FMN1: variants seen among roughly 807,000 people sequenced by gnomAD.
The protein encoded by FMN1 is formin 1, also known as formin-1.
FMN1 carries 110 observed loss-of-function variants against 132.4 expected under a neutral mutation model. The observed-to-expected ratio is 0.83, with a 90% CI of 0.71 to 0.97. The LOEUF (loss-of-function observed/expected upper bound fraction) is 0.97, where lower values mean the gene tolerates loss of function less well. Ranked by LOEUF, FMN1 falls within the 50% of genes least tolerant of loss-of-function variation. FMN1 has a pLI of 0.00. For synonymous variants in FMN1, 722 were observed against 651.7 expected (o/e 1.11, Z -1.64); for missense variants, 1,792 against 1,705.3 (o/e 1.05, Z -0.90).
chr15:32,877,594 A>G (rs948430914), intron 16 of FMN1, among the ~76,000 whole-genome samples: 18 of 152,194 alleles, frequency 1.2e-4, no homozygotes, highest in Admixed American at 7.9e-4. Flanking sequence ...GAGTTGGAAT[A>G]TACCTTCAAA....
chr15:32,965,720 T>C (rs1471293293), intron 8 of FMN1, among the ~76,000 whole-genome samples: 1 of 152,156 alleles, frequency 6.6e-6, no homozygotes, highest in African/African-American at 2.4e-5. Flanking sequence ...ATTCACCTCT[T>C]CTCTCCTCTA....
intron 4 of FMN1, among the ~76,000 whole-genome samples, chr15:33,123,224 C>A (rs1290574737): frequency 6.6e-6 from 1 of 151,898 alleles, no homozygotes; most frequent in Non-Finnish European, 1.5e-5. Flanking sequence ...CACCAACTGG[C>A]CTTCCTTTTT....
chr15:32,785,067 A>G (rs138172134), intron 19 of FMN1, among the ~76,000 whole-genome samples: 2 of 150,306 alleles, frequency 1.3e-5, no homozygotes, highest in Admixed American at 6.6e-5. Flanking sequence ...CATTCAACGT[A>G]TCTGTGTGAA....
intron 6 of FMN1, among the ~76,000 whole-genome samples, chr15:33,020,664 T>A: frequency 6.7e-6 from 1 of 149,944 alleles, no homozygotes; most frequent in Non-Finnish European, 1.5e-5. Context: ...AAAGACACTA[T>A]GCTTAGTTAG....
intron 4 of FMN1, among the ~76,000 whole-genome samples, chr15:33,138,465 T>C (rs1963867462): frequency 6.6e-6 from 1 of 152,172 alleles, no homozygotes; most frequent in Non-Finnish European, 1.5e-5. Context: ...AAGGACAGTC[T>C]GGCACGTCCC....
At chr15:32,836,585 G>T (rs1332400318) in intron 17 of FMN1, among the ~76,000 whole-genome samples, 1 of 152,142 alleles carries the variant, frequency 6.6e-6, no homozygotes, top group South Asian at 2.1e-4. Context: ...AGCTGTATAT[G>T]TCTTACAAAC....
intron 6 of FMN1, among the ~76,000 whole-genome samples, chr15:33,029,916 C>T (rs1184157377): frequency 1.3e-5 from 2 of 152,148 alleles, no homozygotes; most frequent in African/African-American, 2.4e-5. Flanking sequence ...CCAGCACTTT[C>T]GGAGACCGAG....
chr15:33,023,078 G>GAATA (rs2035498796), intron 6 of FMN1, among the ~76,000 whole-genome samples: 1 of 116,066 alleles, frequency 8.6e-6, no homozygotes, highest in Non-Finnish European at 1.7e-5. Context: ...AAAAAAAAAA[G>GAATA]AAAAAAAAGA....
chr15:32,962,813 G>C (rs2030735355), intron 9 of FMN1, among the ~76,000 whole-genome samples: 4 of 151,812 alleles, frequency 2.6e-5, no homozygotes, highest in Non-Finnish European at 5.9e-5. Context: ...AAACCAGTTA[G>C]AATGGCAATC....
intron 4 of FMN1, among the ~76,000 whole-genome samples, chr15:33,148,122 T>C (rs1000033438): frequency 1.3e-5 from 2 of 152,224 alleles, no homozygotes; most frequent in Non-Finnish European, 2.9e-5. Context: ...AGATTACCAC[T>C]GTTCTATAAC....
At chr15:33,130,300 A>T (rs1963484059) in intron 4 of FMN1, among the ~76,000 whole-genome samples, 1 of 152,234 alleles carries the variant, frequency 6.6e-6, no homozygotes, top group Non-Finnish European at 1.5e-5. Flanking sequence ...AACTCAAAAT[A>T]TTGCCCTACA....
At chr15:32,997,338 A>G (rs1436972646) in intron 7 of FMN1, among the ~76,000 whole-genome samples, 1 of 137,620 alleles carries the variant, frequency 7.3e-6, no homozygotes, top group African/African-American at 2.5e-5. Flanking sequence ...TTTTTTTTTA[A>G]TCACATGGGG....
intron 10 of FMN1, among the ~76,000 whole-genome samples, chr15:32,912,849 T>C (rs2060596335): frequency 2.0e-5 from 3 of 152,170 alleles, no homozygotes; most frequent in Admixed American, 2.0e-4. Flanking sequence ...ACAGCTCTAA[T>C]ACCACTTAGT....
intron 6 of FMN1, among the ~76,000 whole-genome samples, chr15:33,041,871 T>A (rs2036455673): frequency 6.6e-6 from 1 of 152,092 alleles, no homozygotes; most frequent in African/African-American, 2.4e-5. Context: ...CATACACTAC[T>A]GAACTATGCA....
intron 2 of FMN1, among the ~76,000 whole-genome samples, chr15:33,193,624 A>G (rs1966158317): frequency 6.6e-6 from 1 of 152,128 alleles, no homozygotes; most frequent in African/African-American, 2.4e-5. Flanking sequence ...CACTCCCCAT[A>G]TATATCACAG....
Position 33,153,646 on chromosome 15 carries a change from C to T in FMN1, c.1269G>A (p.Lys423=). 6.5e-7 allele frequency: 1 copy of T among 1,536,340 alleles called. No homozygotes were observed. Among genetic ancestry groups the T allele is most frequent in the Non-Finnish European group, 8.7e-7 (1 of 1,146,956 alleles). Residue 423 remains lysine (K), a synonymous_variant, in exon 4 of 21, where the codon AAG becomes AAA. Transcript: ENST00000616417. ...AEGAVNKVPL[K]VIESEKLDEA... is the part of the protein sequence containing the mutation. ...CATCTAACTTCTCACTCTCTATCAC[C>T]TTCAGGGGGACCTTGTTCACGGCCC...
At chr15:32,934,709 C>T (rs1231974960) in intron 9 of FMN1, among the ~76,000 whole-genome samples, 2 of 150,192 alleles carry the variant, frequency 1.3e-5, no homozygotes, top group Admixed American at 6.6e-5. Flanking sequence ...CAGGTTCAAG[C>T]GATTCTCCTG....
At chr15:32,824,621 T>G (rs2058319148) in intron 17 of FMN1, among the ~76,000 whole-genome samples, 1 of 152,070 alleles carries the variant, frequency 6.6e-6, no homozygotes, top group Non-Finnish European at 1.5e-5. Context: ...AGAGACAAGG[T>G]CTCACTCTGT....
At chr15:32,998,185 T>G (rs1184276695) in intron 7 of FMN1, among the ~76,000 whole-genome samples, 4 of 152,228 alleles carry the variant, frequency 2.6e-5, no homozygotes, top group Non-Finnish European at 5.9e-5. Flanking sequence ...TGGGCTGTAT[T>G]TGATGGTATC....
Sources: allele counts gnomAD v4.1 joint callset (sites outside exome capture counted in the v4.1 genomes callset), GRCh38; gene constraint gnomAD v4.1.1; transcripts MANE v1.5; gene names NCBI Gene and HGNC (gene_info 2026-07-23, HGNC 2026-07-21).